The following ARID1B variants were observed in gnomAD, a reference collection of about 807,000 sequenced individuals.
ARID1B encodes the protein AT-rich interaction domain 1B.
A neutral mutation model predicts 212.3 loss-of-function variants in ARID1B; 30 were observed. That is an observed-to-expected ratio of 0.14 (90% confidence interval 0.11 to 0.19). The LOEUF (loss-of-function observed/expected upper bound fraction) is 0.19, where lower values mean the gene tolerates loss of function less well. ARID1B is among the 10% of genes least tolerant of loss of function. ARID1B has a pLI of 1.00. For synonymous variants in ARID1B, 1,402 were observed against 1,301.7 expected (o/e 1.08, Z -1.66); for missense variants, 2,891 against 3,204.0 (o/e 0.90, Z 2.36).
In ARID1B at chr6:157,200,971, G is replaced by T. The variant is rs766446706; in HGVS notation, c.4746G>T (p.Gly1582=). 1.9e-6 allele frequency: 3 copies of T among 1,613,974 alleles called. No homozygotes were observed. The highest frequency in any genetic ancestry group is 2.5e-6 in the Non-Finnish European group (3 of 1,180,006). The change falls in exon 18 of 20, where the codon GGG becomes GGT. Residue 1582 remains glycine, a synonymous_variant. Transcript: ENST00000636930. The surrounding 1 kb of genome is among the most constrained non-coding windows in gnomAD (Gnocchi z 4.3). ...CGCTGCAGTCGTCCTCCAGTGAGGGGCCTCAGCAGAATATGTGGGCAGCAC... is the reference window on the plus strand; with the variant it reads ...CGCTGCAGTCGTCCTCCAGTGAGGGTCCTCAGCAGAATATGTGGGCAGCAC... ...GGPLQSSSSE[G]PQQNMWAARN...
chr6:157,123,243 C>CG (rs1787887878), intron 6 of ARID1B, among the ~76,000 whole-genome samples: 1 of 117,442 alleles, frequency 8.5e-6, no homozygotes, highest in Non-Finnish European at 1.7e-5. Context: ...CCCCCGCCCC[C>CG]CCCCCACACA....
intron 13 of ARID1B, 95 bp from the exon 14 acceptor site, chr6:157,189,547 A>G (rs1474187443): frequency 7.4e-7 from 1 of 1,356,540 alleles, no homozygotes; most frequent in African/African-American, 1.5e-5. Flanking sequence ...TCTTATTTAC[A>G]TTTATGTCTT....
At chr6:156,947,008 C>G (rs1308037499) in intron 4 of ARID1B, among the ~76,000 whole-genome samples, 3 of 152,116 alleles carry the variant, frequency 2.0e-5, no homozygotes, top group African/African-American at 7.2e-5. Flanking sequence ...CTTTGCATTT[C>G]ATTTAAATTT....
At chr6:156,890,463 T>G (rs998588762) in intron 2 of ARID1B, among the ~76,000 whole-genome samples, 1 of 152,256 alleles carries the variant, frequency 6.6e-6, no homozygotes, top group Non-Finnish European at 1.5e-5. Context: ...TCCTATGATT[T>G]TTTTTAAATT....
At chr6:157,033,682 A>C (rs1269740714) in intron 4 of ARID1B, among the ~76,000 whole-genome samples, 1 of 152,168 alleles carries the variant, frequency 6.6e-6, no homozygotes, top group East Asian at 1.9e-4. Context: ...TTTGTGCTTT[A>C]GGAGAGTGAG....
intron 5 of ARID1B, among the ~76,000 whole-genome samples, chr6:157,101,972 C>A (rs1377375731): frequency 1.3e-5 from 2 of 152,118 alleles, no homozygotes; most frequent in African/African-American, 4.8e-5. Flanking sequence ...TTTTCTATGG[C>A]CACTACAACT....
chr6:157,144,845 C>T (rs532722996), intron 7 of ARID1B, among the ~76,000 whole-genome samples: 1 of 152,302 alleles, frequency 6.6e-6, no homozygotes, highest in East Asian at 1.9e-4. Flanking sequence ...TTGTAAAGAA[C>T]TTTGAAACTG....
intron 1 of ARID1B, among the ~76,000 whole-genome samples, chr6:156,796,695 C>G (rs1780404047): frequency 6.6e-6 from 1 of 152,220 alleles, no homozygotes; most frequent in Admixed American, 6.5e-5. Flanking sequence ...CCTCCTCTTC[C>G]AGGCATAGAG....
chr6:157,101,596 C>G (rs1022570213), intron 5 of ARID1B, among the ~76,000 whole-genome samples: 6 of 151,698 alleles, frequency 4.0e-5, no homozygotes, highest in Non-Finnish European at 5.9e-5. Flanking sequence ...AATTACTAAT[C>G]GAAGAATATA....
intron 4 of ARID1B, among the ~76,000 whole-genome samples, chr6:156,981,801 GT>G (rs750210791): frequency 1.3e-4 from 20 of 150,198 alleles, no homozygotes; most frequent in Admixed American, 6.0e-4. Flanking sequence ...TCATTACCTC[GT>G]TTTTTTTTCA....
intron 4 of ARID1B, among the ~76,000 whole-genome samples, chr6:157,035,765 G>C (rs1362533775): frequency 6.6e-6 from 1 of 152,166 alleles, no homozygotes; most frequent in South Asian, 2.1e-4. Context: ...CCAGTGCCAG[G>C]GGGTGGTCAG....
intron 4 of ARID1B, among the ~76,000 whole-genome samples, chr6:156,989,362 G>T (rs1340181105): frequency 6.6e-6 from 1 of 152,096 alleles, no homozygotes; most frequent in Non-Finnish European, 1.5e-5. Context: ...TCTTTTTGCG[G>T]TTATGAAGAT....
chr6:157,177,562 A>C (rs1792184884), intron 11 of ARID1B, among the ~76,000 whole-genome samples: 1 of 152,244 alleles, frequency 6.6e-6, no homozygotes, highest in Non-Finnish European at 1.5e-5. Context: ...ATTCTAAAAT[A>C]AAAATAAACA....
intron 4 of ARID1B, among the ~76,000 whole-genome samples, chr6:157,018,807 T>C (rs1349800180): frequency 6.6e-6 from 1 of 152,110 alleles, no homozygotes; most frequent in Non-Finnish European, 1.5e-5. Flanking sequence ...AAAAGGAAAA[T>C]AGACATATAT....
At chr6:156,875,704 G>A (rs753852529) in intron 2 of ARID1B, among the ~76,000 whole-genome samples, 71 of 152,174 alleles carry the variant, frequency 4.7e-4, no homozygotes, top group Non-Finnish European at 9.4e-4. Context: ...GAAAGAAGTG[G>A]CAAAGAAAGC....
In ARID1B at chr6:157,201,221, C is replaced by G; in HGVS notation, c.4996C>G (p.Pro1666Ala). The change falls in exon 18 of 20, where the codon CCA becomes GCA. Residue 1666 changes from proline to alanine, a missense_variant. This residue lies in a region of ARID1B where 666 missense variants were observed against 873.5 expected (regional missense o/e 0.76). Coordinates refer to ENST00000636930, the MANE Select transcript of ARID1B (RefSeq NM_001374828.1). This position sits in a 1 kb window ranked among gnomAD's most constrained non-coding sequence, Gnocchi z 5.2. The part of the protein sequence containing the change: ...TRPPQPSYQT[P>A]PSLPNHISRA... Reference sequence around the variant, plus strand: ...CCCACCACAGCCGTCCTACCAGACGCCACCGTCACTGCCAAATCACATCTC... The same window carrying G: ...CCCACCACAGCCGTCCTACCAGACGGCACCGTCACTGCCAAATCACATCTC... 1 of 1,613,926 alleles carries G rather than the reference C, an allele frequency of 6.2e-7. No individual in the cohort carries two copies.
At chr6:157,080,897 C>T (rs773483388) in intron 4 of ARID1B, among the ~76,000 whole-genome samples, 37 of 152,120 alleles carry the variant, frequency 2.4e-4, no homozygotes, top group Non-Finnish European at 5.0e-4. Flanking sequence ...AATTAATCAT[C>T]GATAGTAGAA....
intron 3 of ARID1B, among the ~76,000 whole-genome samples, chr6:156,914,885 C>T (rs905842853): frequency 2.0e-5 from 3 of 150,500 alleles, no homozygotes; most frequent in East Asian, 3.9e-4. Context: ...CTCTATCAAG[C>T]CCACTTTTTT....
intron 3 of ARID1B, among the ~76,000 whole-genome samples, chr6:156,917,857 T>C (rs192790370): frequency 2.0e-5 from 3 of 152,336 alleles, no homozygotes; most frequent in Non-Finnish European, 2.9e-5. Flanking sequence ...AGTCTACTTT[T>C]ATGAGAGTAG....
Sources: allele counts gnomAD v4.1 joint callset (sites outside exome capture counted in the v4.1 genomes callset), GRCh38; gene constraint gnomAD v4.1.1; regional missense constraint gnomAD v4.1.1; non-coding constraint Gnocchi (gnomAD v3.1); transcripts MANE v1.5; gene names NCBI Gene and HGNC (gene_info 2026-07-23, HGNC 2026-07-21).